The following CDH9 variants were observed in gnomAD, a reference collection of about 807,000 sequenced individuals.
CDH9 encodes cadherin-9.
CDH9 carries 28 observed loss-of-function variants against 70.9 expected under a neutral mutation model. That is an observed-to-expected ratio of 0.40 (90% CI 0.29 to 0.54). The LOEUF is 0.54. Among genes scored for constraint, CDH9 ranks in the 20% least tolerant of loss-of-function variants. The probability of loss-of-function intolerance (pLI) is 0.59; values close to 1 mark genes in which losing one functional copy is unlikely to be tolerated. For synonymous variants in CDH9, 409 were observed against 343.1 expected, an observed-to-expected ratio of 1.19 and a Z score of -2.12; for missense variants, 874 against 984.4, an observed-to-expected ratio of 0.89 and a Z score of 1.50.
chr5:26,914,264 A>T (rs1302461414), intron 3 of CDH9, among the ~76,000 whole-genome samples: 2 of 151,958 alleles, frequency 1.3e-5, no homozygotes, highest in Non-Finnish European at 2.9e-5. Context: ...ACAAAAACAG[A>T]ATTACTTTAA....
chr5:26,906,812 T>C lies in CDH9; in HGVS notation c.550A>G (p.Thr184Ala), dbSNP rs1171767498. ...VGTSVIQVTA[T>A]DADDANYGNS... ...CCATAGTTGGCGTCATCTGCATCTGTTGCAGTTACTTGTATAACAGATGTA... is the reference window on the plus strand; with the variant it reads ...CCATAGTTGGCGTCATCTGCATCTGCTGCAGTTACTTGTATAACAGATGTA... Residue 184 changes from threonine (T) to alanine (A), a missense_variant, in exon 4 of 12, where the codon ACA (threonine) becomes GCA (alanine). Thr to Ala is a moderately conservative substitution (Grantham distance 58). Transcript: ENST00000231021. The C allele has an allele frequency of 1.9e-6, 3 of 1,613,096 alleles. No individual in the cohort carries two copies. The highest frequency in any genetic ancestry group is 2.5e-6 in the Non-Finnish European group (3 of 1,179,416).
intron 2 of CDH9, among the ~76,000 whole-genome samples, chr5:26,937,881 A>G (rs1196002280): frequency 6.6e-6 from 1 of 152,096 alleles, no homozygotes; most frequent in Non-Finnish European, 1.5e-5. Flanking sequence ...ATTAGTCTGT[A>G]TAATATCAAA....
Position 26,902,690 on chromosome 5 carries a change from C to G in CDH9, c.1039G>C (p.Val347Leu), listed in dbSNP as rs1255302672. Residue 347 changes from valine (V) to leucine (L), a missense_variant, in exon 7 of 12, where the codon GTG becomes CTG. Coordinates refer to ENST00000231021, the MANE Select transcript of CDH9 (RefSeq NM_016279.4). ...FENQMLYTLR[V>L]DASNTHPDPR... ...TCAGGGTGAGTGTTACTTGCATCCACTCTTAAAGTATAGAGCATTTGATTT... is the reference window on the plus strand; with the variant it reads ...TCAGGGTGAGTGTTACTTGCATCCAGTCTTAAAGTATAGAGCATTTGATTT... 6.4e-7 allele frequency: 1 copy of G among 1,571,500 alleles called. No homozygotes were observed. Among genetic ancestry groups the G allele is most frequent in the Non-Finnish European group, 8.8e-7 (1 of 1,141,974 alleles).
chr5:26,972,254 A>C (rs1429511390), intron 2 of CDH9, among the ~76,000 whole-genome samples: 1 of 152,204 alleles, frequency 6.6e-6, no homozygotes, highest in Non-Finnish European at 1.5e-5. Flanking sequence ...ACATTGAAAG[A>C]TTGACGGCTG....
At chr5:26,923,537 G>T (rs1741284439) in intron 2 of CDH9, among the ~76,000 whole-genome samples, 1 of 151,898 alleles carries the variant, frequency 6.6e-6, no homozygotes, top group Non-Finnish European at 1.5e-5. Context: ...AATCAACAAA[G>T]AAACATTGGA....
chr5:26,980,095 A>C (rs1742374984), intron 2 of CDH9, among the ~76,000 whole-genome samples: 1 of 151,854 alleles, frequency 6.6e-6, no homozygotes, highest in Non-Finnish European at 1.5e-5. Flanking sequence ...ACATTTACCA[A>C]AGTAGTTTTA....
chr5:26,950,054 A>G (rs1741817975), intron 2 of CDH9, among the ~76,000 whole-genome samples: 1 of 152,132 alleles, frequency 6.6e-6, no homozygotes, highest in African/African-American at 2.4e-5. Flanking sequence ...TTGGGGCTTT[A>G]ATCATTTTTT....
intron 2 of CDH9, among the ~76,000 whole-genome samples, chr5:26,968,138 T>G (rs1742158929): frequency 6.6e-6 from 1 of 152,172 alleles, no homozygotes. Flanking sequence ...TTAATGGAAT[T>G]CACATTTTAG....
At chr5:26,969,757 T>C (rs943422857) in intron 2 of CDH9, among the ~76,000 whole-genome samples, 4 of 151,922 alleles carry the variant, frequency 2.6e-5, no homozygotes, top group African/African-American at 9.7e-5. Flanking sequence ...CTTTTTTCCC[T>C]GATATCAATG....
At chr5:26,989,883 ATTG>A (rs1309085804) in intron 1 of CDH9, among the ~76,000 whole-genome samples, 4 of 152,136 alleles carry the variant, frequency 2.6e-5, no homozygotes, top group Non-Finnish European at 4.4e-5. Context: ...CCCACAAGGT[ATTG>A]TTGTTGATTT....
At chr5:26,933,890 A>AC (rs1447779539) in intron 2 of CDH9, among the ~76,000 whole-genome samples, 8 of 152,170 alleles carry the variant, frequency 5.3e-5, no homozygotes, top group African/African-American at 1.7e-4. Context: ...CAGGATAGTA[A>AC]ACAAATATTA....
At chr5:26,979,129 T>A (rs1159623085) in intron 2 of CDH9, among the ~76,000 whole-genome samples, 1 of 151,580 alleles carries the variant, frequency 6.6e-6, no homozygotes, top group African/African-American at 2.4e-5. Flanking sequence ...CTAAAAGTTT[T>A]AAAATAAATA....
chr5:26,928,782 T>C (rs72744753), intron 2 of CDH9, among the ~76,000 whole-genome samples: 49,440 of 151,808 alleles, frequency 0.33, 9,720 homozygotes, highest in Non-Finnish European at 0.45. Context: ...GAAAACTGGA[T>C]AGCCATATAA....
chr5:26,955,656 C>A (rs1005507422), intron 2 of CDH9, among the ~76,000 whole-genome samples: 1 of 151,788 alleles, frequency 6.6e-6, no homozygotes, highest in African/African-American at 2.4e-5. Flanking sequence ...TATCAATTCC[C>A]TTTTGTTATA....
At chr5:26,971,277 C>T (rs888012517) in intron 2 of CDH9, among the ~76,000 whole-genome samples, 5 of 152,060 alleles carry the variant, frequency 3.3e-5, no homozygotes, top group Admixed American at 6.6e-5. Flanking sequence ...ATTCACTCAT[C>T]GGTCATATTA....
intron 2 of CDH9, among the ~76,000 whole-genome samples, chr5:26,932,727 T>G (rs1741483930): frequency 1.3e-5 from 2 of 152,044 alleles, no homozygotes; most frequent in African/African-American, 4.8e-5. Flanking sequence ...ATTTGTATAT[T>G]TAGACTATTC....
chr5:26,897,597 G>A (rs1579669135), intron 7 of CDH9, among the ~76,000 whole-genome samples: 1 of 151,948 alleles, frequency 6.6e-6, no homozygotes, highest in Non-Finnish European at 1.5e-5. Flanking sequence ...ATGAAGGAAA[G>A]GCCTTCAATA....
chr5:26,959,156 G>C (rs1600382), intron 2 of CDH9, among the ~76,000 whole-genome samples: 149,567 of 152,234 alleles, frequency 0.98, 73,538 homozygotes, highest in Middle Eastern at 1. Context: ...TAGAACTCAA[G>C]AACAAAAAGA....
chr5:27,023,897 C>T (rs1743180545), intron 1 of CDH9, among the ~76,000 whole-genome samples: 1 of 151,682 alleles, frequency 6.6e-6, no homozygotes, highest in African/African-American at 2.4e-5. Flanking sequence ...ACTAAAAATA[C>T]AACACTTAGC....
Sources: gnomAD v4.1 joint callset for allele counts (sites outside exome capture counted in the v4.1 genomes callset) on GRCh38, gnomAD v4.1.1 for gene constraint, MANE v1.5 for transcripts, NCBI Gene and HGNC (gene_info 2026-07-23, HGNC 2026-07-21) for gene names.